The following CLDN7 variants were observed in gnomAD, a reference collection of about 807,000 sequenced individuals.
The protein encoded by CLDN7 is claudin-7.
CLDN7 carries 15 observed loss-of-function variants against 20.3 expected under a neutral mutation model. That is an observed-to-expected ratio of 0.74 (90% CI 0.49 to 1.14). The LOEUF (loss-of-function observed/expected upper bound fraction) is 1.14, where lower values mean the gene tolerates loss of function less well. Among genes scored for constraint, CLDN7 ranks in the 50% most tolerant of loss-of-function variants. The pLI, the probability that CLDN7 is intolerant of heterozygous loss-of-function variation, is 0.00. For synonymous variants in CLDN7, 117 were observed against 106.1 expected (o/e 1.10, Z -0.63); for missense variants, 261 against 274.2 (o/e 0.95, Z 0.34).
rs781260339 is a variant in CLDN7 at position 7,260,631 on chromosome 17, C to A, written c.473+11G>T. ...ACCTGTCCCCTTAGGAGGCAGGGTT[C>A]CCAGACTTACTTAATGTTGGTAGGG... On this transcript the variant is annotated intron_variant, in intron 3 of 3. Transcript: ENST00000360325. 2 of 1,614,100 alleles carry A rather than the reference C, an allele frequency of 1.2e-6. No homozygotes were observed. The highest frequency in any genetic ancestry group is 2.2e-5 in the South Asian group (2 of 91,068).
At position 7,260,894 on chromosome 17, in the gene CLDN7, C is replaced by G; in HGVS notation, c.315G>C (p.Thr105=). The G allele has an allele frequency of 6.2e-7, 1 of 1,614,240 alleles. No individual in the cohort carries two copies. The highest frequency in any genetic ancestry group is 2.2e-5 in the East Asian group (1 of 44,876). ...TCACTTTGTCGTCTCCCCCACAGCG[C>G]GTGCACTTCATGCCCATCGTGGCCA... is the stretch of plus-strand genomic sequence containing the variant. The part of the protein sequence containing the change: ...MFVATMGMKC[T]RCGGDDKVKK... The change falls in exon 2 of 4, where the codon ACG becomes ACC. Residue 105 remains threonine (T), a synonymous_variant. Transcript: ENST00000360325.
At chr17:7,261,249 G>C (rs1207475191) in intron 1 of CLDN7, 5 of 532,106 alleles carry the variant, frequency 9.4e-6, no homozygotes, top group Non-Finnish European at 1.7e-5. Flanking sequence ...AACTGCCCTG[G>C]ATAGGGGGAA....
intron 1 of CLDN7, 55 bp from the exon 2 acceptor site, chr17:7,261,040 C>A: frequency 6.5e-7 from 1 of 1,543,996 alleles, no homozygotes; most frequent in South Asian, 1.2e-5. Context: ...CGGCTCCAGC[C>A]TTCGTGCCGC....
intron 2 of CLDN7, 32 bp downstream of exon 2, chr17:7,260,789 C>T (rs1567595684): frequency 4.3e-6 from 7 of 1,614,236 alleles, no homozygotes; most frequent in Non-Finnish European, 5.1e-6. Flanking sequence ...CCCAGCCTTG[C>T]TCCTCCCAGA....
intron 3 of CLDN7, 29 bp from the exon 4 acceptor site, chr17:7,260,565 C>G (rs2072191822): frequency 6.2e-7 from 1 of 1,611,730 alleles, no homozygotes; most frequent in Non-Finnish European, 8.5e-7. Flanking sequence ...GGTTAGAAAC[C>G]CTGGCGTGCC....
Sources: gnomAD v4.1 joint callset for allele counts on GRCh38, gnomAD v4.1.1 for gene constraint, MANE v1.5 for transcripts, NCBI Gene and HGNC (gene_info 2026-07-23, HGNC 2026-07-21) for gene names.